GNG2: variants seen among roughly 807,000 people sequenced by gnomAD.
GNG2 encodes the protein G protein subunit gamma 2.
In GNG2, 5 loss-of-function variants were observed where a neutral mutation model predicts 5.5. That is an observed-to-expected ratio of 0.91 (90% confidence interval 0.48 to 1.92). The LOEUF (loss-of-function observed/expected upper bound fraction) is 1.92. Ranked by LOEUF, GNG2 falls within the 30% of genes most tolerant of loss-of-function variation. The probability of loss-of-function intolerance (pLI) is 0.01; values close to 1 mark genes in which losing one functional copy is unlikely to be tolerated. For synonymous variants in GNG2, 28 were observed against 32.0 expected (o/e 0.88, Z 0.42); for missense variants, 55 against 88.4 (o/e 0.62, Z 1.52).
intron 2 of GNG2, among the ~76,000 whole-genome samples, chr14:51,855,371 C>T (rs575344152): frequency 1.3e-5 from 2 of 152,180 alleles, no homozygotes; most frequent in Non-Finnish European, 1.5e-5. Context: ...GCCCACCCAC[C>T]CCCTGACTCT....
At chr14:51,916,169 T>C in intron 2 of GNG2, 1 of 230,848 alleles carries the variant, frequency 4.3e-6, no homozygotes, top group South Asian at 5.0e-5. Flanking sequence ...ACCTATGTAA[T>C]CATTTTATTT....
chr14:51,922,842 G>C (rs1887094415), intron 2 of GNG2, among the ~76,000 whole-genome samples: 1 of 152,154 alleles, frequency 6.6e-6, no homozygotes, highest in Non-Finnish European at 1.5e-5. Context: ...AGTCTCAATA[G>C]AGTCCAGTCA....
At chr14:51,907,140 A>C (rs919735581) in intron 2 of GNG2, among the ~76,000 whole-genome samples, 1 of 152,194 alleles carries the variant, frequency 6.6e-6, no homozygotes, top group Admixed American at 6.5e-5. Context: ...GATTTTATTC[A>C]GGCTGACAGC....
intron 2 of GNG2, among the ~76,000 whole-genome samples, chr14:51,831,761 A>C (rs1322725404): frequency 2.0e-5 from 3 of 152,348 alleles, no homozygotes; most frequent in East Asian, 3.9e-4. Context: ...ATGCCAGCAT[A>C]GTGTTATTTT....
intron 1 of GNG2, among the ~76,000 whole-genome samples, chr14:51,827,384 C>T (rs1004318977): frequency 4.6e-5 from 7 of 152,168 alleles, no homozygotes; most frequent in East Asian, 1.9e-4. Flanking sequence ...CTTATCAAAC[C>T]AGAAATTCTG....
chr14:51,885,609 A>ACC (rs34986921), intron 2 of GNG2, among the ~76,000 whole-genome samples: 1 of 149,766 alleles, frequency 6.7e-6, no homozygotes, highest in Admixed American at 6.7e-5. Flanking sequence ...ACACACACAC[A>ACC]CCCCCGCCCC....
chr14:51,841,775 GC>G (rs1385194024), intron 2 of GNG2, among the ~76,000 whole-genome samples: 1 of 152,190 alleles, frequency 6.6e-6, no homozygotes, highest in Admixed American at 6.5e-5. Flanking sequence ...ACAAGGAAAT[GC>G]TTTTCTTTGG....
intron 3 of GNG2, among the ~76,000 whole-genome samples, chr14:51,953,145 A>G (rs1304837786): frequency 6.6e-6 from 1 of 152,240 alleles, no homozygotes; most frequent in Non-Finnish European, 1.5e-5. Context: ...TTAAAGATTC[A>G]GATCAAATTA....
At chr14:51,966,421 G>A in intron 3 of GNG2, 138 bp from the exon 4 acceptor site, 2 of 728,464 alleles carry the variant, frequency 2.7e-6, no homozygotes, top group Non-Finnish European at 4.7e-6. Context: ...TTGCAGATGA[G>A]GAAGCAGAAG....
intron 2 of GNG2, among the ~76,000 whole-genome samples, chr14:51,906,643 C>T (rs1237440522): frequency 6.6e-6 from 1 of 151,690 alleles, no homozygotes; most frequent in Non-Finnish European, 1.5e-5. Context: ...ATTAATTGTA[C>T]AGTATTTTTA....
At chr14:51,877,192 A>G (rs1883735673) in intron 1 of GNG2, among the ~76,000 whole-genome samples, 1 of 152,186 alleles carries the variant, frequency 6.6e-6, no homozygotes, top group South Asian at 2.1e-4. Context: ...CTCTGTCCCT[A>G]ATACCTGGAG....
chr14:51,826,983 G>A (rs1295731710), intron 1 of GNG2, among the ~76,000 whole-genome samples: 1 of 152,168 alleles, frequency 6.6e-6, no homozygotes, highest in Non-Finnish European at 1.5e-5. Flanking sequence ...AGGTTTCCTG[G>A]GGGAAGGAGC....
chr14:51,886,432 G>T (rs999697950), intron 2 of GNG2, among the ~76,000 whole-genome samples: 14 of 152,074 alleles, frequency 9.2e-5, no homozygotes, highest in African/African-American at 3.1e-4. Context: ...TATAAACTGA[G>T]AACTTTGAAT....
chr14:51,952,832 A>ATT (rs1889068436), intron 3 of GNG2, among the ~76,000 whole-genome samples: 1 of 152,108 alleles, frequency 6.6e-6, no homozygotes, highest in African/African-American at 2.4e-5. Context: ...TACCTTCCAT[A>ATT]TTCCTTCCAA....
At chr14:51,893,160 G>A (rs986363118) in intron 2 of GNG2, among the ~76,000 whole-genome samples, 6 of 152,046 alleles carry the variant, frequency 3.9e-5, no homozygotes, top group Non-Finnish European at 7.4e-5. Context: ...AAAGCACTTA[G>A]GTCTCTTACA....
At chr14:51,842,483 G>C (rs919518895) in intron 2 of GNG2, among the ~76,000 whole-genome samples, 1 of 152,042 alleles carries the variant, frequency 6.6e-6, no homozygotes, top group Non-Finnish European at 1.5e-5. Flanking sequence ...ACACGCAAAC[G>C]GAAGTGCTCA....
intron 2 of GNG2, among the ~76,000 whole-genome samples, chr14:51,930,460 T>C (rs1887590372): frequency 6.6e-6 from 1 of 152,248 alleles, no homozygotes; most frequent in Non-Finnish European, 1.5e-5. Flanking sequence ...CAAGCTCTTG[T>C]TCTCAGAGAC....
chr14:51,838,685 T>G (rs1391772009), intron 2 of GNG2, among the ~76,000 whole-genome samples: 1 of 152,226 alleles, frequency 6.6e-6, no homozygotes, highest in African/African-American at 2.4e-5. Context: ...CGTTTATATA[T>G]ACATCTATCG....
chr14:51,935,021 C>CTT (rs1370410276), intron 2 of GNG2, among the ~76,000 whole-genome samples: 1,407 of 111,246 alleles, frequency 0.013, 111 homozygotes, highest in Admixed American at 0.06. Context: ...AGCCCAGTTT[C>CTT]TTTCTTTTTT....
Sources: gnomAD v4.1 joint callset for allele counts (sites outside exome capture counted in the v4.1 genomes callset) on GRCh38, gnomAD v4.1.1 for gene constraint, MANE v1.5 for transcripts, NCBI Gene and HGNC (gene_info 2026-07-23, HGNC 2026-07-21) for gene names.